Variants in LDB2 observed in about 807,000 individuals in gnomAD.
LDB2 encodes LIM domain-binding protein 2.
In LDB2, 12 loss-of-function variants were observed where a neutral mutation model predicts 44.3. The observed-to-expected ratio is 0.27, with a 90% CI of 0.17 to 0.44. The LOEUF (loss-of-function observed/expected upper bound fraction) is 0.44, where lower values mean the gene tolerates loss of function less well. LDB2 is among the 20% of genes least tolerant of loss of function. LDB2 has a pLI of 1.00. For synonymous variants in LDB2, 164 were observed against 174.8 expected (o/e 0.94, Z 0.49); for missense variants, 344 against 473.5 (o/e 0.73, Z 2.54).
chr4:16,707,412 A>T (rs73241004), intron 2 of LDB2, among the ~76,000 whole-genome samples: 12,638 of 152,234 alleles, frequency 0.083, 832 homozygotes, highest in East Asian at 0.4. Context: ...CCAAATGGAC[A>T]TGGGAGTAAT....
intron 5 of LDB2, among the ~76,000 whole-genome samples, chr4:16,553,598 G>A (rs1028037296): frequency 3.3e-5 from 5 of 152,016 alleles, no homozygotes; most frequent in Admixed American, 6.6e-5. Flanking sequence ...TCCTTAACCC[G>A]TAGGTACTAA....
chr4:16,513,520 C>T (rs1040912342), intron 5 of LDB2, among the ~76,000 whole-genome samples: 3 of 152,196 alleles, frequency 2.0e-5, no homozygotes, highest in Admixed American at 1.3e-4. Context: ...CGAATAGATG[C>T]ATTTAAAGAG....
chr4:16,818,548 A>G (rs1218505566), intron 1 of LDB2, among the ~76,000 whole-genome samples: 2 of 152,170 alleles, frequency 1.3e-5, no homozygotes, highest in Non-Finnish European at 2.9e-5. Context: ...GACTTCTTTT[A>G]TAAGTAAAAT....
rs566691580 is a variant in LDB2 at position 16,595,092 on chromosome 4, T to G, written c.408+611A>C. Among the ~76,000 whole-genome samples the G allele has an allele frequency of 3.3e-5, 5 of 152,282 alleles. No individual in the cohort carries two copies. In the East Asian group the frequency reaches 7.8e-4, roughly 24 times the overall value. Reference sequence around the variant, plus strand: ...GGTTAAATCTCCATCTCTTCTATTTTTCATTTCACAGCCTTCATGGGGCTT... The same window carrying G: ...GGTTAAATCTCCATCTCTTCTATTTGTCATTTCACAGCCTTCATGGGGCTT... On this transcript the variant is annotated intron_variant, in intron 3 of 7. Coordinates refer to ENST00000304523, the MANE Select transcript of LDB2 (RefSeq NM_001290.5).
At chr4:16,780,318 G>A (rs1772909045) in intron 1 of LDB2, among the ~76,000 whole-genome samples, 1 of 152,122 alleles carries the variant, frequency 6.6e-6, no homozygotes, top group Non-Finnish European at 1.5e-5. Flanking sequence ...CGCCTCCCAG[G>A]TTCAAGCAAT....
intron 1 of LDB2, among the ~76,000 whole-genome samples, chr4:16,885,319 G>T (rs1721350092): frequency 6.6e-6 from 1 of 151,686 alleles, no homozygotes; most frequent in Non-Finnish European, 1.5e-5. Context: ...TGGGGAGCAA[G>T]ACGCTGTCTC....
chr4:16,792,433 T>C (rs1168946456), intron 1 of LDB2, among the ~76,000 whole-genome samples: 1 of 152,248 alleles, frequency 6.6e-6, no homozygotes, highest in Non-Finnish European at 1.5e-5. Flanking sequence ...CATGAGATTT[T>C]ATTTCTCTCA....
intron 2 of LDB2, among the ~76,000 whole-genome samples, chr4:16,688,739 C>A (rs1309612662): frequency 6.6e-6 from 1 of 152,168 alleles, no homozygotes; most frequent in African/African-American, 2.4e-5. Context: ...CACCAAATAC[C>A]AAATCTACAG....
intron 5 of LDB2, among the ~76,000 whole-genome samples, chr4:16,560,504 C>G (rs574266473): frequency 6.6e-6 from 1 of 152,078 alleles, no homozygotes; most frequent in African/African-American, 2.4e-5. Flanking sequence ...ACACCCTCCC[C>G]AGACTAAACC....
chr4:16,581,935 AG>A (rs1714667139), intron 5 of LDB2, among the ~76,000 whole-genome samples: 1 of 151,832 alleles, frequency 6.6e-6, no homozygotes, highest in South Asian at 2.1e-4. Context: ...AAAGAAAGAA[AG>A]AAAGGAAGGG....
At chr4:16,710,938 T>C (rs1755725700) in intron 2 of LDB2, among the ~76,000 whole-genome samples, 1 of 152,164 alleles carries the variant, frequency 6.6e-6, no homozygotes, top group African/African-American at 2.4e-5. Flanking sequence ...TGCCTGTGGC[T>C]GGGAAACAAT....
intron 2 of LDB2, among the ~76,000 whole-genome samples, chr4:16,675,626 T>C (rs116446697): frequency 0.048 from 7,338 of 151,886 alleles, 255 homozygotes; most frequent in Admixed American, 0.1. Flanking sequence ...TCTAGATAAA[T>C]AAAATTATAT....
intron 1 of LDB2, among the ~76,000 whole-genome samples, chr4:16,892,489 T>C (rs560896252): frequency 6.6e-6 from 1 of 152,250 alleles, no homozygotes; most frequent in African/African-American, 2.4e-5. Context: ...ACGAAGGTAT[T>C]TGTAGTATCT....
intron 5 of LDB2, among the ~76,000 whole-genome samples, chr4:16,567,668 G>A (rs957786135): frequency 6.6e-6 from 1 of 152,218 alleles, no homozygotes. Flanking sequence ...TACTCAGCAG[G>A]CTGAGGCAGG....
chr4:16,801,433 G>A (rs972608638), intron 1 of LDB2, among the ~76,000 whole-genome samples: 1 of 152,172 alleles, frequency 6.6e-6, no homozygotes, highest in Admixed American at 6.5e-5. Flanking sequence ...GAAACTGGAA[G>A]TATAATAGGA....
At chr4:16,574,109 A>G (rs1226287888) in intron 5 of LDB2, among the ~76,000 whole-genome samples, 1 of 152,202 alleles carries the variant, frequency 6.6e-6, no homozygotes. Flanking sequence ...CGGAGGCTAC[A>G]TGCAGGGACC....
chr4:16,586,431 G>T (rs1307335693), intron 4 of LDB2, among the ~76,000 whole-genome samples: 1 of 151,478 alleles, frequency 6.6e-6, no homozygotes, highest in Non-Finnish European at 1.5e-5. Context: ...TAGCGGTGGT[G>T]TTTTTACAGC....
Position 16,759,172 on chromosome 4 carries a change from C to T in LDB2, c.221G>A (p.Gly74Glu). 6.2e-7 allele frequency: 1 copy of T among 1,612,774 alleles called. No individual in the cohort carries two copies. Among genetic ancestry groups the T allele is most frequent in the Non-Finnish European group, 8.5e-7 (1 of 1,178,874 alleles). Residue 74 changes from glycine (G) to glutamate (E), a missense_variant, in exon 2 of 8, where the codon GGA becomes GAA. Gly to Glu is a moderately conservative substitution (Grantham distance 98). This residue lies in a region of LDB2 where 226 missense variants were observed against 270.1 expected (regional missense o/e 0.84). Coordinates refer to ENST00000304523, the MANE Select transcript of LDB2 (RefSeq NM_001290.5). ...TTCTTTCTTACTGTATCGCTTTGGT[C>T]CATCTTCCAAACAAAATGAAAGGGT... ...TLTLSFCLED[G>E]PKRYTIGRTL...
chr4:16,765,349 C>T (rs551094756), intron 1 of LDB2, among the ~76,000 whole-genome samples: 14 of 152,324 alleles, frequency 9.2e-5, no homozygotes, highest in Non-Finnish European at 1.5e-4. Context: ...ACTCTTTGTG[C>T]CTCCCTGCCT....
Sources: allele counts gnomAD v4.1 joint callset (sites outside exome capture counted in the v4.1 genomes callset), GRCh38; gene constraint gnomAD v4.1.1; regional missense constraint gnomAD v4.1.1; transcripts MANE v1.5; gene names NCBI Gene and HGNC (gene_info 2026-07-23, HGNC 2026-07-21).